The following ITGA8 variants were observed in gnomAD, a reference collection of about 807,000 sequenced individuals.
The protein encoded by ITGA8 is integrin alpha-8.
In ITGA8, 91 loss-of-function variants were observed where a neutral mutation model predicts 142.3. The observed-to-expected ratio is 0.64, with a 90% CI of 0.54 to 0.76. The LOEUF is 0.76. Among genes scored for constraint, ITGA8 ranks in the 30% least tolerant of loss-of-function variants. ITGA8 has a pLI of 0.00. For missense variants in ITGA8, 1,406 were observed against 1,327.7 expected (o/e 1.06, Z -0.92); for synonymous variants, 505 against 485.2 (o/e 1.04, Z -0.54).
intron 13 of ITGA8, among the ~76,000 whole-genome samples, chr10:15,625,669 C>T (rs879536303): frequency 2.6e-5 from 4 of 152,156 alleles, no homozygotes; most frequent in Admixed American, 6.5e-5. Flanking sequence ...TTGTGTCCCC[C>T]CAAAAAAGTC....
At chr10:15,714,355 G>A (rs1564421668) in intron 2 of ITGA8, among the ~76,000 whole-genome samples, 1 of 152,194 alleles carries the variant, frequency 6.6e-6, no homozygotes, top group Non-Finnish European at 1.5e-5. Context: ...TTAGGCAGAT[G>A]TGATATTTTA....
At chr10:15,636,049 G>A (rs1194245777) in intron 13 of ITGA8, among the ~76,000 whole-genome samples, 2 of 152,136 alleles carry the variant, frequency 1.3e-5, no homozygotes, top group East Asian at 1.9e-4. Context: ...GTAGGGGCCC[G>A]GATGAGACAA....
At chr10:15,601,589 C>T (rs2131605100) in intron 20 of ITGA8, among the ~76,000 whole-genome samples, 1 of 152,152 alleles carries the variant, frequency 6.6e-6, no homozygotes, top group East Asian at 1.9e-4. Context: ...ATGTATCTTA[C>T]TACTATCATA....
chr10:15,605,650 T>C, intron 19 of ITGA8, 74 bp downstream of exon 19: 1 of 1,219,652 alleles, frequency 8.2e-7, no homozygotes, highest in Non-Finnish European at 1.2e-6. Context: ...GTGTATACTT[T>C]CTCCAGAGAA....
intron 2 of ITGA8, among the ~76,000 whole-genome samples, chr10:15,716,596 G>A (rs1246500490): frequency 6.6e-6 from 1 of 151,848 alleles, no homozygotes; most frequent in Non-Finnish European, 1.5e-5. Context: ...TTCAGCATTA[G>A]TTCTGTATGG....
At chr10:15,531,581 G>C (rs1833295853) in intron 27 of ITGA8, among the ~76,000 whole-genome samples, 2 of 152,134 alleles carry the variant, frequency 1.3e-5, no homozygotes, top group Non-Finnish European at 2.9e-5. Context: ...AAACATAATG[G>C]GTGACAAAAT....
intron 20 of ITGA8, among the ~76,000 whole-genome samples, chr10:15,601,243 A>G (rs1484291929): frequency 6.6e-6 from 1 of 152,124 alleles, no homozygotes; most frequent in Admixed American, 6.5e-5. Context: ...CATAAAAAAA[A>G]GGAAAGAAAA....
rs181145579 is a variant in ITGA8, at chr10:15,713,748, C to G, written c.343+5018G>C. Among the ~76,000 whole-genome samples the G allele has an allele frequency of 3.0e-3, 459 of 152,250 alleles. 1 individual carries two copies. Among genetic ancestry groups the G allele is most frequent in the Middle Eastern group, 0.01 (3 of 294 alleles). ...ATCACTCAACACAAAATAAAACAGA[C>G]CCCCCAAAACAAAGGCTTCCGGTCT... On this transcript the variant is annotated intron_variant, in intron 2 of 29. Transcript: ENST00000378076.
At chr10:15,566,543 G>C (rs191953824) in intron 25 of ITGA8, among the ~76,000 whole-genome samples, 1 of 152,084 alleles carries the variant, frequency 6.6e-6, no homozygotes, top group African/African-American at 2.4e-5. Context: ...GGGCATGGTG[G>C]CTCATGCCTG....
chr10:15,714,507 C>G (rs1443215532), intron 2 of ITGA8, among the ~76,000 whole-genome samples: 3 of 151,998 alleles, frequency 2.0e-5, no homozygotes, highest in Non-Finnish European at 4.4e-5. Flanking sequence ...TTTTTTGGAA[C>G]CCCTTGATTC....
intron 20 of ITGA8, among the ~76,000 whole-genome samples, chr10:15,599,701 G>T (rs964793692): frequency 1.8e-5 from 2 of 113,302 alleles, no homozygotes; most frequent in Non-Finnish European, 3.7e-5. Context: ...CAGGTGGATC[G>T]CCTGAGGTCA....
At position 15,628,377 on chromosome 10, in the gene ITGA8, A is replaced by G. The variant is rs991175965; in HGVS notation, c.1400-11818T>C. On this transcript the variant is annotated intron_variant, in intron 13 of 29. Coordinates refer to ENST00000378076, the MANE Select transcript of ITGA8 (RefSeq NM_003638.3). ...GAGATGGAGTCTCGCTCTGTCTAGCAGGCTGGAATGCAGTGGCCGATCTCT... is the reference window on the plus strand; with the variant it reads ...GAGATGGAGTCTCGCTCTGTCTAGCGGGCTGGAATGCAGTGGCCGATCTCT... Among the ~76,000 whole-genome samples the G allele has an allele frequency of 7.0e-5, 8 of 114,942 alleles. No individual in the cohort carries two copies. The Admixed American group carries it at 1.1e-3, about 16-fold the overall frequency. 75.4% of individuals were successfully genotyped at this position (114,942 alleles called of 152,430 possible).
At chr10:15,687,142 A>G (rs1834846351) in intron 3 of ITGA8, among the ~76,000 whole-genome samples, 1 of 152,154 alleles carries the variant, frequency 6.6e-6, no homozygotes, top group Admixed American at 6.5e-5. Context: ...TACCTGTTTT[A>G]TGTCAAAATC....
intron 11 of ITGA8, among the ~76,000 whole-genome samples, chr10:15,653,994 C>T (rs930141609): frequency 5.9e-5 from 9 of 151,936 alleles, no homozygotes; most frequent in Admixed American, 3.3e-4. Flanking sequence ...ACCACCATGC[C>T]CGGCTAATTT....
chr10:15,674,720 G>A (rs753773821), intron 6 of ITGA8, among the ~76,000 whole-genome samples: 25 of 152,038 alleles, frequency 1.6e-4, no homozygotes, highest in Non-Finnish European at 2.9e-4. Flanking sequence ...TCATGAGTTT[G>A]AGACCAGGAT....
chr10:15,646,196 G>A (rs913986846), intron 12 of ITGA8, among the ~76,000 whole-genome samples: 3 of 152,148 alleles, frequency 2.0e-5, no homozygotes, highest in Non-Finnish European at 4.4e-5. Context: ...GAGCAATGAC[G>A]ATTTTTGTAT....
intron 28 of ITGA8, among the ~76,000 whole-genome samples, chr10:15,527,146 A>G (rs1285507635): frequency 6.6e-6 from 1 of 152,222 alleles, no homozygotes; most frequent in Non-Finnish European, 1.5e-5. Flanking sequence ...TAATAACATG[A>G]GGTGTACTAG....
intron 2 of ITGA8, among the ~76,000 whole-genome samples, chr10:15,699,434 C>T (rs1835117294): frequency 6.6e-6 from 1 of 152,102 alleles, no homozygotes; most frequent in Admixed American, 6.6e-5. Flanking sequence ...TATATAGAAA[C>T]ATAGATGAGT....
chr10:15,650,372 C>A (rs1372725399), intron 11 of ITGA8, among the ~76,000 whole-genome samples: 2 of 152,116 alleles, frequency 1.3e-5, no homozygotes, highest in African/African-American at 4.8e-5. Context: ...ATATTAATGG[C>A]ATTTGGAGGT....
Sources: allele counts gnomAD v4.1 joint callset (sites outside exome capture counted in the v4.1 genomes callset), GRCh38; gene constraint gnomAD v4.1.1; transcripts MANE v1.5; gene names NCBI Gene and HGNC (gene_info 2026-07-23, HGNC 2026-07-21).